Variants in KIAA0753 observed in about 807,000 individuals in gnomAD.
KIAA0753 encodes KIAA0753.
KIAA0753 carries 114 observed loss-of-function variants against 116.9 expected under a neutral mutation model. The ratio of observed to expected loss-of-function variants is 0.98; its 90% confidence interval spans 0.84 to 1.14. The LOEUF is 1.14. KIAA0753 is among the 50% of genes most tolerant of loss of function. The probability of loss-of-function intolerance (pLI) is 0.00; values close to 1 mark genes in which losing one functional copy is unlikely to be tolerated. For missense variants in KIAA0753, 1,156 were observed against 1,172.4 expected, an observed-to-expected ratio of 0.99 and a Z score of 0.20; for synonymous variants, 405 against 413.1, an observed-to-expected ratio of 0.98 and a Z score of 0.24.
Position 6,628,744 on chromosome 17 carries a change from T to C in KIAA0753, c.94-3A>G. 4 of 1,578,258 alleles carry C rather than the reference T, an allele frequency of 2.5e-6. No homozygotes were observed. The highest frequency in any genetic ancestry group is 3.4e-6 in the Non-Finnish European group (4 of 1,163,552). On this transcript the variant is annotated splice_region_variant and splice_polypyrimidine_tract_variant and intron_variant, in intron 2 of 18. Coordinates refer to ENST00000361413, the MANE Select transcript of KIAA0753 (RefSeq NM_014804.3). ...TTCCTATTAAACTGCAGCTGGTTCT[T>C]TAAAAAGCAAATAAAAGTAAGCAGA...
rs746555515 is a variant in KIAA0753, at chr17:6,596,240, C to A, written c.2276G>T (p.Gly759Val). The A allele has an allele frequency of 1.2e-6, 2 of 1,613,768 alleles. No individual in the cohort carries two copies. Among genetic ancestry groups the A allele is most frequent in the South Asian group, 1.1e-5 (1 of 91,052 alleles). The change falls in exon 15 of 19, where the codon GGG (glycine) becomes GTG (valine). Residue 759 changes from glycine (G) to valine (V), a missense_variant. Physicochemically the swap from Gly to Val is moderately radical, Grantham distance 109. Coordinates refer to ENST00000361413, the MANE Select transcript of KIAA0753 (RefSeq NM_014804.3). ...LWAVTHAKIL[G>V]SETLATVEDS... ...CTCAACGGTGGCTAAGGTTTCAGAC[C>A]CCAAGATCTTAGCATGAGTCACAGC...
At chr17:6,585,188 C>G (rs1968480706) in intron 18 of KIAA0753, among the ~76,000 whole-genome samples, 1 of 152,232 alleles carries the variant, frequency 6.6e-6, no homozygotes, top group East Asian at 1.9e-4. Flanking sequence ...CTAATATCTT[C>G]TAGCTTCTGG....
chr17:6,603,067 T>G (rs2150801744), intron 12 of KIAA0753, among the ~76,000 whole-genome samples: 1 of 152,234 alleles, frequency 6.6e-6, no homozygotes, highest in African/African-American at 2.4e-5. Context: ...TTTTAAAATT[T>G]AAACACTGGC....
At chr17:6,621,972 T>C (rs1180292938) in intron 6 of KIAA0753, among the ~76,000 whole-genome samples, 1 of 152,128 alleles carries the variant, frequency 6.6e-6, no homozygotes, top group East Asian at 1.9e-4. Context: ...ATAATGAAAC[T>C]GTGAAGGCAG....
intron 6 of KIAA0753, among the ~76,000 whole-genome samples, chr17:6,621,431 A>C (rs921778095): frequency 8.5e-5 from 13 of 152,332 alleles, no homozygotes; most frequent in Middle Eastern, 3.4e-3. Flanking sequence ...TTAATAGGTC[A>C]ATAAGAGTGG....
At chr17:6,610,936 C>T (rs1460354506) in intron 8 of KIAA0753, among the ~76,000 whole-genome samples, 4 of 152,118 alleles carry the variant, frequency 2.6e-5, no homozygotes, top group Admixed American at 6.6e-5. Flanking sequence ...TCGCCCCCTG[C>T]CATAGAAGTT....
intron 1 of KIAA0753, chr17:6,636,554 GT>G (rs1403557633): frequency 1.3e-5 from 2 of 152,444 alleles, no homozygotes; most frequent in Admixed American, 6.5e-5. Context: ...CCCCTAAACT[GT>G]CCCCCTGTAC....
At chr17:6,607,117 A>G in intron 11 of KIAA0753, 64 bp downstream of exon 11, 1 of 1,414,878 alleles carries the variant, frequency 7.1e-7, no homozygotes, top group East Asian at 2.3e-5. Context: ...TCTATTTATC[A>G]TTAATGTATA....
rs1421835629 is a variant in KIAA0753, at chr17:6,608,364, C to G, written c.1813G>C (p.Glu605Gln). Residue 605 changes from glutamate (E) to glutamine (Q), a missense_variant, in exon 10 of 19, where the codon GAG (glutamate) becomes CAG (glutamine). Transcript: ENST00000361413. ...QEESHLTGAV[E>Q]HEAARLAWLD... ...AGCACAAACCTGGCTGCTTCATGCT[C>G]AACAGCACCTGTCAGGTGACTTTCC... 3.3e-6 allele frequency: 5 copies of G among 1,523,602 alleles called. No individual in the cohort carries two copies. The highest frequency in any genetic ancestry group is 4.4e-6 in the Non-Finnish European group (5 of 1,127,162). The allele number at this position is 1,523,602 out of a possible 1,614,324, so 94.4% of individuals were successfully genotyped here.
At chr17:6,584,552 T>C (rs907710683) in intron 18 of KIAA0753, among the ~76,000 whole-genome samples, 1 of 152,124 alleles carries the variant, frequency 6.6e-6, no homozygotes, top group Non-Finnish European at 1.5e-5. Flanking sequence ...TATCTGTTTT[T>C]CTTCTTCTTC....
intron 12 of KIAA0753, among the ~76,000 whole-genome samples, chr17:6,606,323 A>T (rs1970191487): frequency 6.6e-6 from 1 of 152,222 alleles, no homozygotes. Flanking sequence ...TGACTATAGG[A>T]TGAATTATTA....
chr17:6,620,409 G>GA (rs954152258), intron 7 of KIAA0753, among the ~76,000 whole-genome samples: 11 of 130,106 alleles, frequency 8.5e-5, no homozygotes, highest in East Asian at 2.1e-4. Flanking sequence ...TTTATCTGAG[G>GA]AAAAAAAAAT....
intron 10 of KIAA0753, 136 bp downstream of exon 10, chr17:6,608,208 GTATT>G (rs1439986856): frequency 4.9e-6 from 2 of 407,464 alleles, no homozygotes; most frequent in Non-Finnish European, 8.8e-6. Context: ...TACATTTTAT[GTATT>G]TATTCTATTT....
chr17:6,591,887 AAC>A (rs1230837993), intron 16 of KIAA0753, among the ~76,000 whole-genome samples: 1 of 152,262 alleles, frequency 6.6e-6, no homozygotes, highest in African/African-American at 2.4e-5. Flanking sequence ...CACAGTGAGG[AAC>A]ACACAATGAC....
intron 12 of KIAA0753, among the ~76,000 whole-genome samples, chr17:6,602,733 A>C (rs974358437): frequency 4.6e-5 from 7 of 152,184 alleles, no homozygotes; most frequent in Admixed American, 3.3e-4. Flanking sequence ...AATTCATTGA[A>C]CTGTACCTTT....
intron 8 of KIAA0753, 63 bp from the exon 9 acceptor site, chr17:6,610,223 C>T (rs1970442574): frequency 6.5e-7 from 1 of 1,535,540 alleles, no homozygotes; most frequent in Admixed American, 1.8e-5. Context: ...GGTTTAACCT[C>T]TGACTCACTG....
At chr17:6,622,690 G>A (rs1971405605) in intron 6 of KIAA0753, among the ~76,000 whole-genome samples, 192 bp downstream of exon 6, 15 of 152,224 alleles carry the variant, frequency 9.9e-5, no homozygotes, top group Admixed American at 9.8e-4. Flanking sequence ...TTTCGAAGCA[G>A]TGAAATACGA....
chr17:6,616,434 A>G (rs957891069), intron 7 of KIAA0753, among the ~76,000 whole-genome samples: 3 of 152,204 alleles, frequency 2.0e-5, no homozygotes, highest in African/African-American at 7.2e-5. Context: ...GCCACCTTAC[A>G]TTTTTACAGC....
At chr17:6,589,589 G>A (rs1039598628) in intron 18 of KIAA0753, among the ~76,000 whole-genome samples, 190 bp downstream of exon 18, 5 of 152,250 alleles carry the variant, frequency 3.3e-5, no homozygotes, top group Admixed American at 6.5e-5. Context: ...GGATGGCACC[G>A]CCTGTGCTGT....
Sources: allele counts gnomAD v4.1 joint callset (sites outside exome capture counted in the v4.1 genomes callset), GRCh38; gene constraint gnomAD v4.1.1; transcripts MANE v1.5; gene names NCBI Gene and HGNC (gene_info 2026-07-23, HGNC 2026-07-21).